ZNF407: variants seen among roughly 807,000 people sequenced by gnomAD.
ZNF407 encodes the protein zinc finger protein 407.
In ZNF407, 17 loss-of-function variants were observed where a neutral mutation model predicts 131.2. The ratio of observed to expected loss-of-function variants is 0.13; its 90% CI spans 0.09 to 0.19. The LOEUF (loss-of-function observed/expected upper bound fraction) is 0.19, where lower values mean the gene tolerates loss of function less well. ZNF407 is among the 10% of genes least tolerant of loss of function. The probability of loss-of-function intolerance (pLI) is 1.00; values close to 1 mark genes in which losing one functional copy is unlikely to be tolerated. For missense variants in ZNF407, 2,681 were observed against 2,830.6 expected, an observed-to-expected ratio of 0.95 and a Z score of 1.20; for synonymous variants, 1,156 against 1,062.0, an observed-to-expected ratio of 1.09 and a Z score of -1.72.
At chr18:74,878,046 C>T (rs1245726134) in intron 5 of ZNF407, among the ~76,000 whole-genome samples, 1 of 152,180 alleles carries the variant, frequency 6.6e-6, no homozygotes, top group Non-Finnish European at 1.5e-5. Context: ...ACTGAGCGTA[C>T]ATCTTTGGTA....
intron 8 of ZNF407, among the ~76,000 whole-genome samples, chr18:74,926,497 A>G (rs920553370): frequency 1.1e-4 from 17 of 152,162 alleles, no homozygotes; most frequent in African/African-American, 4.1e-4. Context: ...AAACTTTCTA[A>G]TGACACATTT....
chr18:74,712,270 A>G (rs926382328), intron 3 of ZNF407, among the ~76,000 whole-genome samples: 2 of 152,200 alleles, frequency 1.3e-5, no homozygotes, highest in East Asian at 3.9e-4. Flanking sequence ...TTACTGGAAA[A>G]TGGGATTAGT....
intron 4 of ZNF407, among the ~76,000 whole-genome samples, chr18:74,824,787 A>T (rs1362534768): frequency 1.3e-5 from 2 of 152,210 alleles, no homozygotes; most frequent in Admixed American, 6.5e-5. Flanking sequence ...CAGAGGTACC[A>T]AGAAGAGCTG....
intron 3 of ZNF407, among the ~76,000 whole-genome samples, chr18:74,746,842 A>G (rs1968680969): frequency 1.3e-5 from 2 of 152,288 alleles, no homozygotes; most frequent in South Asian, 4.1e-4. Context: ...GACAAAAAGT[A>G]TTATATAGTA....
intron 7 of ZNF407, among the ~76,000 whole-genome samples, chr18:74,917,341 TATA>T (rs1971786540): frequency 6.6e-6 from 1 of 152,200 alleles, no homozygotes; most frequent in Admixed American, 6.5e-5. Context: ...ATATGTATAA[TATA>T]ATAGAACATA....
intron 8 of ZNF407, among the ~76,000 whole-genome samples, chr18:75,025,101 A>G (rs996787324): frequency 1.3e-4 from 20 of 152,244 alleles, no homozygotes; most frequent in African/African-American, 4.3e-4. Context: ...GCTTGTAACC[A>G]TATGTTTTTG....
intron 8 of ZNF407, among the ~76,000 whole-genome samples, chr18:75,046,573 G>A (rs956668994): frequency 6.6e-6 from 1 of 152,064 alleles, no homozygotes; most frequent in East Asian, 1.9e-4. Context: ...TTAGAAAGTC[G>A]AGTCAGTACC....
chr18:74,602,335 T>G (rs1982621393), intron 1 of ZNF407, among the ~76,000 whole-genome samples: 1 of 152,200 alleles, frequency 6.6e-6, no homozygotes, highest in African/African-American at 2.4e-5. Flanking sequence ...ATTGTCTTCT[T>G]TAAGTGTCAT....
intron 3 of ZNF407, among the ~76,000 whole-genome samples, chr18:74,714,020 G>C (rs1967832924): frequency 6.6e-6 from 1 of 152,162 alleles, no homozygotes; most frequent in Non-Finnish European, 1.5e-5. Flanking sequence ...AATGTATTAA[G>C]CTGCTTATCA....
intron 8 of ZNF407, among the ~76,000 whole-genome samples, chr18:74,952,904 G>A (rs1392625636): frequency 3.3e-5 from 5 of 152,186 alleles, no homozygotes; most frequent in African/African-American, 1.2e-4. Context: ...GACGGAACAC[G>A]AGGCCAACAT....
chr18:74,894,813 C>CTT (rs1393772575), intron 7 of ZNF407, among the ~76,000 whole-genome samples: 1 of 152,118 alleles, frequency 6.6e-6, no homozygotes, highest in Admixed American at 6.5e-5. Flanking sequence ...AAGCCAGACT[C>CTT]TGACAGTTTT....
intron 8 of ZNF407, chr18:75,060,300 G>A (rs1352491480): frequency 3.9e-5 from 6 of 152,188 alleles, no homozygotes; most frequent in Non-Finnish European, 4.4e-5. Context: ...TTCCGGGAAG[G>A]GTGAGTTGCC....
At chr18:74,797,181 A>T (rs1408145858) in intron 4 of ZNF407, among the ~76,000 whole-genome samples, 1 of 152,252 alleles carries the variant, frequency 6.6e-6, no homozygotes, top group Non-Finnish European at 1.5e-5. Context: ...TTTGTCAAAA[A>T]GAAATGAAGG....
In ZNF407 at chr18:75,058,203, G is replaced by A. The variant is rs181898021; in HGVS notation, c.5429-4947G>A. On this transcript the variant is annotated intron_variant, in intron 8 of 8. Coordinates refer to ENST00000299687, the MANE Select transcript of ZNF407 (RefSeq NM_017757.3). Reference sequence around the variant, plus strand: ...CGCTGGAGATGTTGGCTTCAAGCACGCAGAAGGAGCTGCAGCATCATAATG... The same window carrying A: ...CGCTGGAGATGTTGGCTTCAAGCACACAGAAGGAGCTGCAGCATCATAATG... 5.3e-4 allele frequency among the ~76,000 whole-genome samples: 80 copies of A among 152,272 alleles called. 1 individual carries two copies. In the East Asian group the frequency reaches 7.3e-3, roughly 14 times the overall value.
intron 8 of ZNF407, among the ~76,000 whole-genome samples, chr18:74,931,024 A>G (rs1208361713): frequency 6.6e-6 from 1 of 152,246 alleles, no homozygotes; most frequent in Non-Finnish European, 1.5e-5. Flanking sequence ...ATTCCTGTGA[A>G]TATAGATGTT....
intron 3 of ZNF407, among the ~76,000 whole-genome samples, chr18:74,711,774 G>C (rs1191407681): frequency 1.3e-5 from 2 of 152,278 alleles, no homozygotes; most frequent in East Asian, 3.9e-4. Flanking sequence ...GCATTGGCAT[G>C]ATCTCAGCTC....
At position 74,779,109 on chromosome 18, in the gene ZNF407, A is replaced by ATATATATTTTTTTTT. The variant is rs397943457; in HGVS notation, c.4803-2318_4803-2317insATATATTTTTTTTTT. On this transcript the variant is annotated intron_variant, in intron 3 of 8. Transcript: ENST00000299687. Reference sequence around the variant, plus strand: ...TTGGCATATATATATATATATATATATTTTTTTTTTTTTTTTTTTTTTTTG... The same window carrying ATATATATTTTTTTTT: ...TTGGCATATATATATATATATATATATATATATTTTTTTTTTTTTTTTTTTTTTTTTTTTTTTTTG... Among the ~76,000 whole-genome samples, 48 of 24,378 alleles carry ATATATATTTTTTTTT rather than the reference A, an allele frequency of 2.0e-3. 8 individuals are homozygous for ATATATATTTTTTTTT. Among genetic ancestry groups the ATATATATTTTTTTTT allele is most frequent in the Middle Eastern group, 0.036 (1 of 28 alleles). 16.0% of individuals were successfully genotyped at this position (24,378 alleles called of 152,430 possible). A position where few individuals can be genotyped will look rare whatever the true frequency, so the allele number is the denominator to read the frequency against.
chr18:74,956,761 G>A (rs1599262925), intron 8 of ZNF407, among the ~76,000 whole-genome samples: 1 of 152,164 alleles, frequency 6.6e-6, no homozygotes, highest in Non-Finnish European at 1.5e-5. Context: ...GTAGTGTCTT[G>A]TCCAGGGCTT....
chr18:74,905,714 A>G (rs1971587213), intron 7 of ZNF407: 1 of 152,232 alleles, frequency 6.6e-6, no homozygotes, highest in Non-Finnish European at 1.5e-5. Flanking sequence ...GTTTCAAAGA[A>G]TTTAGATTTA....
Sources: allele counts gnomAD v4.1 joint callset (sites outside exome capture counted in the v4.1 genomes callset), GRCh38; gene constraint gnomAD v4.1.1; transcripts MANE v1.5; gene names NCBI Gene and HGNC (gene_info 2026-07-23, HGNC 2026-07-21).